Variants in TASP1 observed in about 807,000 individuals in gnomAD.
TASP1 encodes threonine aspartase 1.
TASP1 carries 16 observed loss-of-function variants against 56.6 expected under a neutral mutation model. The ratio of observed to expected loss-of-function variants is 0.28; its 90% CI spans 0.19 to 0.43. The LOEUF (loss-of-function observed/expected upper bound fraction) is 0.43. Ranked by LOEUF, TASP1 falls within the 20% of genes least tolerant of loss-of-function variation. The pLI, the probability that TASP1 is intolerant of heterozygous loss-of-function variation, is 1.00. For missense variants in TASP1, 393 were observed against 511.6 expected (o/e 0.77, Z 2.24); for synonymous variants, 179 against 184.2 (o/e 0.97, Z 0.23).
chr20:13,299,289 G>A, the TASP1 span: 2 of 1,612,748 alleles, frequency 1.2e-6, no homozygotes, highest in Non-Finnish European at 8.5e-7. The surrounding 1 kb of genome is among the most constrained non-coding windows in gnomAD (Gnocchi z 5.8). Context: ...CATCAGCACC[G>A]AGTTCTCCGC....
At chr20:13,210,123 T>C in the TASP1 span, among the ~76,000 whole-genome samples, 5 of 152,224 alleles carry the variant, frequency 3.3e-5, no homozygotes, top group Admixed American at 6.5e-5. Flanking sequence ...TAGTTATTTT[T>C]TTCCATTAAA....
the TASP1 span, among the ~76,000 whole-genome samples, chr20:13,220,187 G>A: frequency 1.5e-4 from 23 of 152,172 alleles, no homozygotes; most frequent in African/African-American, 5.6e-4. Context: ...AGGAGGAGGG[G>A]AAGCGCAGTA....
the TASP1 span, among the ~76,000 whole-genome samples, chr20:13,301,780 A>G: frequency 6.9e-4 from 105 of 152,258 alleles, no homozygotes; most frequent in African/African-American, 2.5e-3. Flanking sequence ...GTATTCAAGC[A>G]GAGGCTGGAG....
chr20:13,390,512 C>T (rs2041232979), intron 13 of TASP1, 60 bp from the exon 14 acceptor site: 1 of 1,499,780 alleles, frequency 6.7e-7, no homozygotes. Flanking sequence ...TTGCCACACC[C>T]CTACCCGTGT....
At chr20:13,631,462 A>G (rs1466904868) in intron 1 of TASP1, among the ~76,000 whole-genome samples, 1 of 152,144 alleles carries the variant, frequency 6.6e-6, no homozygotes, top group African/African-American at 2.4e-5. Context: ...TTCTCACAAT[A>G]TTTCTCTGAA....
the TASP1 span, among the ~76,000 whole-genome samples, chr20:13,352,016 T>G: frequency 1.3e-5 from 2 of 152,218 alleles, no homozygotes; most frequent in Non-Finnish European, 2.9e-5. Flanking sequence ...CTAGCTACTG[T>G]ATTGGGCAGC....
At chr20:13,487,336 C>T (rs528847467) in intron 10 of TASP1, among the ~76,000 whole-genome samples, 2 of 152,282 alleles carry the variant, frequency 1.3e-5, no homozygotes, top group East Asian at 3.9e-4. Context: ...CAGTGTCAGG[C>T]CCCTGCCTGA....
the TASP1 span, among the ~76,000 whole-genome samples, chr20:13,309,777 A>G: frequency 1.3e-5 from 2 of 152,214 alleles, no homozygotes; most frequent in African/African-American, 4.8e-5. Context: ...ACATAAAAAA[A>G]TCAGCAATGT....
chr20:13,604,987 CATATATATATATATAT>C (rs3042652), intron 4 of TASP1, among the ~76,000 whole-genome samples: 2 of 140,498 alleles, frequency 1.4e-5, no homozygotes, highest in Admixed American at 7.2e-5. Flanking sequence ...AGACATAATA[CATATATATATATATAT>C]ATATATATAT....
chr20:13,373,470 T>A, the TASP1 span, among the ~76,000 whole-genome samples: 1 of 147,714 alleles, frequency 6.8e-6, no homozygotes, highest in Non-Finnish European at 1.5e-5. Context: ...TTTTTTTTTT[T>A]CTGGATATGT....
At chr20:13,270,857 A>C in the TASP1 span, 2 of 952,000 alleles carry the variant, frequency 2.1e-6, no homozygotes, top group Non-Finnish European at 3.2e-6. Context: ...CCCCTTAATG[A>C]TTCCTGCTTA....
intron 4 of TASP1, among the ~76,000 whole-genome samples, chr20:13,612,867 C>T (rs1221627198): frequency 6.6e-6 from 1 of 152,156 alleles, no homozygotes; most frequent in African/African-American, 2.4e-5. Flanking sequence ...AAGTACCCTG[C>T]CCAAGAAATT....
At chr20:13,306,500 T>TTTTG in the TASP1 span, among the ~76,000 whole-genome samples, 8 of 151,294 alleles carry the variant, frequency 5.3e-5, no homozygotes, top group Non-Finnish European at 1.0e-4. Context: ...TGGTGGTGTT[T>TTTTG]TTTGTTTGTT....
intron 10 of TASP1, among the ~76,000 whole-genome samples, chr20:13,508,529 C>T (rs141406619): frequency 1.4e-4 from 21 of 152,022 alleles, no homozygotes; most frequent in Admixed American, 3.9e-4. Flanking sequence ...TGAAAAACTC[C>T]GAAATTCAAA....
chr20:13,389,205 T>C (rs370746363), downstream of TASP1, among the ~76,000 whole-genome samples: 2 of 152,248 alleles, frequency 1.3e-5, no homozygotes, highest in Non-Finnish European at 2.9e-5. Context: ...TTTATCAAAT[T>C]GCAAGAGAAA....
chr20:13,554,559 GT>G (rs780921702), intron 8 of TASP1, among the ~76,000 whole-genome samples: 3 of 151,010 alleles, frequency 2.0e-5, no homozygotes, highest in East Asian at 1.9e-4. Flanking sequence ...AATTTATCTA[GT>G]TTTTTTTTCA....
rs138969105 is a variant in TASP1 at position 13,417,395 on chromosome 20, G to A, written c.1170+53C>T. On this transcript the variant is annotated intron_variant, in intron 13 of 13. Transcript: ENST00000337743. ...TCCACATCAACTTAGCTGGTTAGAGGTTTATGCGATGGCTACAAGGTTTTC... is the reference window on the plus strand; with the variant it reads ...TCCACATCAACTTAGCTGGTTAGAGATTTATGCGATGGCTACAAGGTTTTC... 507 of 1,600,512 alleles carry A rather than the reference G, an allele frequency of 3.2e-4. 1 individual carries two copies. The African/African-American group carries it at 6.0e-3, about 19-fold the overall frequency.
chr20:13,487,817 T>C (rs1376231998), intron 10 of TASP1, among the ~76,000 whole-genome samples: 3 of 152,160 alleles, frequency 2.0e-5, no homozygotes, highest in African/African-American at 7.2e-5. Context: ...AAAGGCCAAA[T>C]AGTAAATATT....
At chr20:13,338,441 C>A in the TASP1 span, among the ~76,000 whole-genome samples, 1 of 152,160 alleles carries the variant, frequency 6.6e-6, no homozygotes, top group Admixed American at 6.5e-5. Context: ...CCTCCTAGCC[C>A]ATCCTGTGAC....
Sources: allele counts gnomAD v4.1 joint callset (sites outside exome capture counted in the v4.1 genomes callset), GRCh38; gene constraint gnomAD v4.1.1; non-coding constraint Gnocchi (gnomAD v3.1); transcripts MANE v1.5; gene names NCBI Gene and HGNC (gene_info 2026-07-23, HGNC 2026-07-21).